The following BIN2 variants were observed in gnomAD, a reference collection of about 807,000 sequenced individuals.
The protein encoded by BIN2 is bridging integrator 2, also known as breast cancer associated protein BRAP1.
BIN2 carries 43 observed loss-of-function variants against 67.9 expected under a neutral mutation model. The ratio of observed to expected loss-of-function variants is 0.63; its 90% CI spans 0.50 to 0.82. The LOEUF (loss-of-function observed/expected upper bound fraction) is 0.82. Among genes scored for constraint, BIN2 ranks in the 40% least tolerant of loss-of-function variants. The pLI, the probability that BIN2 is intolerant of heterozygous loss-of-function variation, is 0.00. For synonymous variants in BIN2, 244 were observed against 246.8 expected, an observed-to-expected ratio of 0.99 and a Z score of 0.11; for missense variants, 581 against 671.6, an observed-to-expected ratio of 0.87 and a Z score of 1.49.
At chr12:51,288,905 T>C (rs77780579) in intron 10 of BIN2, among the ~76,000 whole-genome samples, 1,906 of 151,990 alleles carry the variant, frequency 0.013, 28 homozygotes, top group African/African-American at 0.043. Flanking sequence ...CACACCACCA[T>C]GCCCAACAAA....
In BIN2 at chr12:51,303,108, T is replaced by C. The variant is rs1444743464; in HGVS notation, c.196A>G (p.Asn66Asp). The C allele has an allele frequency of 1.2e-6, 2 of 1,614,084 alleles. No homozygotes were observed. ...CCACCTTTGACTGCACTAAGGAAGT[T>C]CTTCAGGTCCTTGTACAGCTTGTGG... ...EGHKLYKDLK[N>D]FLSAVKVMHE... Residue 66 changes from asparagine (N) to aspartate (D), a missense_variant, in exon 3 of 13, where the codon AAC becomes GAC. Physicochemically the swap from Asn to Asp is conservative, Grantham distance 23. Transcript: ENST00000615107.
At chr12:51,288,069 A>T (rs763918129) in intron 11 of BIN2, 39 bp downstream of exon 11, 1 of 1,390,776 alleles carries the variant, frequency 7.2e-7, no homozygotes, top group Non-Finnish European at 1.0e-6. Flanking sequence ...GTACAAAAAA[A>T]TAGGGCATCA....
At chr12:51,285,626 CTTTT>C (rs10562037) in intron 11 of BIN2, among the ~76,000 whole-genome samples, 3 of 131,482 alleles carry the variant, frequency 2.3e-5, no homozygotes, top group African/African-American at 2.7e-5. Context: ...TTCTTTCTTT[CTTTT>C]TTTTTTTTTT....
At chr12:51,323,992 CCAGA>C (rs1565695599) in intron 1 of BIN2, 26 bp downstream of exon 1, 9 of 1,610,154 alleles carry the variant, frequency 5.6e-6, no homozygotes, top group East Asian at 2.2e-5. Flanking sequence ...TCCCTGTGGG[CCAGA>C]CAGACAGCGA....
At chr12:51,303,516 T>C (rs559595718) in intron 2 of BIN2, among the ~76,000 whole-genome samples, 74 of 152,202 alleles carry the variant, frequency 4.9e-4, no homozygotes, top group Non-Finnish European at 7.9e-4. Flanking sequence ...CCAGGCCTTC[T>C]TCTTTCTCTG....
chr12:51,281,909 C>T (rs779432934), intron 12 of BIN2, among the ~76,000 whole-genome samples: 1 of 151,932 alleles, frequency 6.6e-6, no homozygotes, highest in African/African-American at 2.4e-5. Flanking sequence ...CACAACCATG[C>T]CTGGCTAATT....
At chr12:51,324,333 G>A, upstream of BIN2, 1 of 1,329,248 alleles carries the variant, frequency 7.5e-7, no homozygotes, top group Non-Finnish European at 9.9e-7. Context: ...GCGCTCGCTC[G>A]AGGCCAGCTT....
At chr12:51,296,945 T>A in intron 8 of BIN2, 144 bp downstream of exon 8, 1 of 674,680 alleles carries the variant, frequency 1.5e-6, no homozygotes, top group South Asian at 1.9e-5. Context: ...AAGTACACAA[T>A]CAAGTGCTCT....
At position 51,281,463 on chromosome 12, in the gene BIN2, G is replaced by T. The variant is rs776646493; in HGVS notation, c.*36C>A. 6.2e-7 allele frequency: 1 copy of T among 1,605,990 alleles called. No individual in the cohort carries two copies. Among genetic ancestry groups the T allele is most frequent in the Admixed American group, 1.7e-5 (1 of 59,986 alleles). ...CCTCTGGTTGAAGAGCTTCTCTGGC[G>T]AGGTTTGGGGCAGGAGGAGTCTTGG... On this transcript the variant is annotated 3_prime_UTR_variant, in exon 13 of 13. Transcript: ENST00000615107.
rs143942556 is a variant in BIN2, at chr12:51,282,644, G to A, written c.1669-1116C>T. On this transcript the variant is annotated intron_variant, in intron 12 of 12. Coordinates refer to ENST00000615107, the MANE Select transcript of BIN2 (RefSeq NM_016293.4). The stretch of plus-strand genomic sequence containing the variant: ...ACAGTCTCACTCCATTGCCCAGGTT[G>A]GAGTGCAGTGGCACAATCCTGGCTC... 3.5e-3 allele frequency among the ~76,000 whole-genome samples: 534 copies of A among 152,160 alleles called. 1 individual carries two copies. The highest frequency in any genetic ancestry group is 0.012 in the African/African-American group (504 of 41,516).
intron 12 of BIN2, among the ~76,000 whole-genome samples, chr12:51,284,120 C>A (rs766727500): frequency 7.2e-5 from 11 of 152,150 alleles, no homozygotes; most frequent in Non-Finnish European, 1.3e-4. Context: ...CTCACTGACT[C>A]ACCCAGAGAA....
chr12:51,289,601 G>A (rs1299601477), intron 10 of BIN2, among the ~76,000 whole-genome samples: 1 of 152,110 alleles, frequency 6.6e-6, no homozygotes, highest in East Asian at 1.9e-4. Context: ...GGGTGACAGA[G>A]TGAGACCCTG....
intron 1 of BIN2, among the ~76,000 whole-genome samples, chr12:51,318,551 G>A (rs942796909): frequency 4.8e-4 from 73 of 152,200 alleles, no homozygotes; most frequent in African/African-American, 1.7e-3. Flanking sequence ...TGAGCCACTG[G>A]GCCACCAGTA....
intron 11 of BIN2, 21 bp downstream of exon 11, chr12:51,288,087 G>A (rs1945285930): frequency 6.4e-7 from 1 of 1,552,798 alleles, no homozygotes; most frequent in South Asian, 1.1e-5. Context: ...TCATCATGTA[G>A]ATGACTTAGG....
At chr12:51,287,339 T>G (rs1201784982) in intron 11 of BIN2, among the ~76,000 whole-genome samples, 1 of 131,546 alleles carries the variant, frequency 7.6e-6, no homozygotes, top group Admixed American at 7.4e-5. Flanking sequence ...TTTTTTTTTG[T>G]TTTTTTTTTT....
chr12:51,319,399 T>C (rs7138394), intron 1 of BIN2, among the ~76,000 whole-genome samples: 19,610 of 152,266 alleles, frequency 0.13, 1,465 homozygotes, highest in African/African-American at 0.21. Flanking sequence ...AGGTACATGT[T>C]AGGGCACTTA....
intron 2 of BIN2, among the ~76,000 whole-genome samples, chr12:51,304,438 A>G (rs367787626): frequency 1.5e-4 from 23 of 152,058 alleles, no homozygotes; most frequent in South Asian, 6.2e-4. Flanking sequence ...TCTCCTTCCT[A>G]TGTGTAAACT....
chr12:51,296,308 A>G (rs1945565806), intron 8 of BIN2, among the ~76,000 whole-genome samples: 1 of 152,138 alleles, frequency 6.6e-6, no homozygotes, highest in African/African-American at 2.4e-5. Flanking sequence ...CATCCTGGCT[A>G]ACATGGTGAA....
At chr12:51,324,478 A>G, upstream of BIN2, 1 of 1,523,128 alleles carries the variant, frequency 6.6e-7, no homozygotes, top group Non-Finnish European at 8.8e-7. Context: ...GCAGGGTAGA[A>G]AATGATGTGG....
Sources: allele counts gnomAD v4.1 joint callset (sites outside exome capture counted in the v4.1 genomes callset), GRCh38; gene constraint gnomAD v4.1.1; transcripts MANE v1.5; gene names NCBI Gene and HGNC (gene_info 2026-07-23, HGNC 2026-07-21).